The following PZP variants were observed in gnomAD, a reference collection of about 807,000 sequenced individuals.
PZP encodes the protein PZP alpha-2-macroglobulin like.
Under a neutral mutation model 179.8 loss-of-function variants are expected in PZP, and 150 were observed. That is an observed-to-expected ratio of 0.83 (90% CI 0.73 to 0.96). The LOEUF is 0.96. Among genes scored for constraint, PZP ranks in the 40% least tolerant of loss-of-function variants. PZP has a pLI of 0.00. For missense variants in PZP, 1,689 were observed against 1,764.0 expected, an observed-to-expected ratio of 0.96 and a Z score of 0.76; for synonymous variants, 624 against 652.3, an observed-to-expected ratio of 0.96 and a Z score of 0.66.
At chr12:9,165,953 T>C in intron 18 of PZP, 99 bp downstream of exon 18, 2 of 1,414,592 alleles carry the variant, frequency 1.4e-6, no homozygotes, top group Non-Finnish European at 9.6e-7. Context: ...GTTAAGATAA[T>C]TATTCAGAAC....
At position 9,157,326 on chromosome 12, in the gene PZP, G is replaced by A. The variant is rs779996853; in HGVS notation, c.3399C>T (p.Cys1133=). Residue 1133 remains cysteine (C), a synonymous_variant, in exon 28 of 36, where the codon TGC becomes TGT. Transcript: ENST00000261336. ...TTGCTACATTCCAGGCTGACTCCAG[G>A]CAGAACAGGGCATTGCGAACAATAG... ...TNPIVRNALF[C]LESAWNVAKE... The A allele has an allele frequency of 1.9e-6, 3 of 1,613,874 alleles. No individual in the cohort carries two copies. Among genetic ancestry groups the A allele is most frequent in the Admixed American group, 3.3e-5 (2 of 60,016 alleles).
chr12:9,154,921 T>C (rs2120564703), intron 28 of PZP, 82 bp from the exon 29 acceptor site: 2 of 1,322,204 alleles, frequency 1.5e-6, no homozygotes, highest in East Asian at 2.5e-5. Context: ...ACATTCATAA[T>C]ACATGGAGCT....
chr12:9,150,592 A>G, intron 34 of PZP, 52 bp downstream of exon 34: 1 of 1,191,576 alleles, frequency 8.4e-7, no homozygotes, highest in Admixed American at 2.0e-5. Flanking sequence ...CTGTCACAAC[A>G]GGATCCATTT....
chr12:9,163,920 T>C, intron 20 of PZP, 131 bp from the exon 21 acceptor site: 4 of 1,306,250 alleles, frequency 3.1e-6, no homozygotes, highest in South Asian at 3.1e-5. Flanking sequence ...ACAAGGTTAA[T>C]GTATACTAAG....
rs374412794 is a variant in PZP, at chr12:9,194,037, C to G, written c.1254+40G>C. ...CTTCTGAATATATCACTGTTCCTAA[C>G]ATTTCCTTTGTCCTCAGAGATTTGT... On this transcript the variant is annotated intron_variant, in intron 11 of 35. Transcript: ENST00000261336. 8.3e-6 allele frequency: 13 copies of G among 1,562,264 alleles called. No individual in the cohort carries two copies. The African/African-American group carries it at 1.6e-4, about 20-fold the overall frequency.
At chr12:9,207,277 G>T (rs1417429509) in intron 1 of PZP, among the ~76,000 whole-genome samples, 3 of 152,130 alleles carry the variant, frequency 2.0e-5, no homozygotes, top group Non-Finnish European at 4.4e-5. Context: ...GTGCAGTGTG[G>T]GTATGCAAGA....
intron 15 of PZP, among the ~76,000 whole-genome samples, chr12:9,175,876 C>T (rs185643018): frequency 1.4e-3 from 218 of 152,234 alleles, no homozygotes; most frequent in African/African-American, 4.5e-3. Flanking sequence ...TAAATTAGTT[C>T]AACCACTGTG....
chr12:9,202,781 A>T, intron 2 of PZP, 97 bp from the exon 3 acceptor site: 1 of 1,178,252 alleles, frequency 8.5e-7, no homozygotes, highest in Non-Finnish European at 1.2e-6. Context: ...CTTCAGCTTC[A>T]CCAAGGAGAA....
At position 9,170,048 on chromosome 12, in the gene PZP, C is replaced by G. The variant is rs111953759; in HGVS notation, c.1840-457G>C. On this transcript the variant is annotated intron_variant, in intron 15 of 35. Transcript: ENST00000261336. This position sits in a 1 kb window ranked among gnomAD's most constrained non-coding sequence, Gnocchi z 4.6. The stretch of plus-strand genomic sequence containing the variant: ...AAGCAGCTGCGGTCTGCAGCACTTA[C>G]GGAGTGGAATGAAAAAGCTTATTAA... The G allele has an allele frequency of 2.0e-5, 3 of 152,538 alleles. No individual in the cohort carries two copies. Among genetic ancestry groups the G allele is most frequent in the African/African-American group, 4.8e-5 (2 of 41,550 alleles). The allele number at this position is 152,538 out of a possible 1,614,324, so 9.4% of individuals were successfully genotyped here.
the PZP span, among the ~76,000 whole-genome samples, chr12:9,138,584 T>A: frequency 1.6e-4 from 24 of 152,094 alleles, no homozygotes; most frequent in South Asian, 4.1e-4. Flanking sequence ...GGCACTTTTT[T>A]AAAAAAATGT....
At chr12:9,178,712 G>A (rs1942556662) in intron 15 of PZP, among the ~76,000 whole-genome samples, 2 of 152,180 alleles carry the variant, frequency 1.3e-5, no homozygotes, top group African/African-American at 4.8e-5. Context: ...TTAAATTTGT[G>A]GGTGGAAGAC....
intron 15 of PZP, among the ~76,000 whole-genome samples, chr12:9,171,440 G>C (rs980723002): frequency 2.6e-5 from 4 of 152,230 alleles, no homozygotes; most frequent in African/African-American, 9.6e-5. Context: ...CAAAATGCCA[G>C]AGTGTCTCTT....
chr12:9,204,969 T>C (rs1355633202), intron 1 of PZP, among the ~76,000 whole-genome samples: 5 of 152,042 alleles, frequency 3.3e-5, no homozygotes, highest in African/African-American at 1.2e-4. Flanking sequence ...AGGTGGCACA[T>C]GGCTGTAGTA....
chr12:9,165,573 A>G (rs1028470051), intron 18 of PZP, among the ~76,000 whole-genome samples: 2 of 152,204 alleles, frequency 1.3e-5, no homozygotes, highest in African/African-American at 4.8e-5. Context: ...CCCCTTATCA[A>G]CAAATGATCA....
At chr12:9,195,750 G>A (rs1323153324) in intron 10 of PZP, among the ~76,000 whole-genome samples, 2 of 149,820 alleles carry the variant, frequency 1.3e-5, no homozygotes, top group Non-Finnish European at 3.0e-5. Context: ...CACTATGCCT[G>A]GCCAAATGTC....
intron 22 of PZP, among the ~76,000 whole-genome samples, chr12:9,161,610 C>T (rs976347864): frequency 3.9e-5 from 6 of 152,108 alleles, no homozygotes; most frequent in Admixed American, 3.9e-4. Flanking sequence ...GACTTATAAC[C>T]ATGATAATAC....
chr12:9,191,105 G>A (rs1316327851), intron 13 of PZP, among the ~76,000 whole-genome samples: 1 of 152,078 alleles, frequency 6.6e-6, no homozygotes, highest in Non-Finnish European at 1.5e-5. Context: ...TCTTCACAAA[G>A]TAAATGATTA....
intron 12 of PZP, 32 bp downstream of exon 12, chr12:9,192,480 G>A (rs1382475806): frequency 6.3e-7 from 1 of 1,577,882 alleles, no homozygotes; most frequent in East Asian, 2.3e-5. Flanking sequence ...CTACTGATAA[G>A]CTGCAATTGT....
chr12:9,147,743 AC>A (rs904100891), downstream of PZP, among the ~76,000 whole-genome samples: 1 of 152,116 alleles, frequency 6.6e-6, no homozygotes, highest in Non-Finnish European at 1.5e-5. Flanking sequence ...TGGTATATCC[AC>A]CCACCATTCT....
Sources: gnomAD v4.1 joint callset for allele counts (sites outside exome capture counted in the v4.1 genomes callset) on GRCh38, gnomAD v4.1.1 for gene constraint, Gnocchi (gnomAD v3.1) non-coding constraint, MANE v1.5 for transcripts, NCBI Gene and HGNC (gene_info 2026-07-23, HGNC 2026-07-21) for gene names.